Variants in PLIN3 observed in about 807,000 individuals in gnomAD.
The protein encoded by PLIN3 is perilipin-3.
In PLIN3, 30 loss-of-function variants were observed where a neutral mutation model predicts 35.9. The observed-to-expected ratio is 0.84, with a 90% CI of 0.62 to 1.13. The LOEUF is 1.13. Among genes scored for constraint, PLIN3 ranks in the 50% most tolerant of loss-of-function variants. The pLI, the probability that PLIN3 is intolerant of heterozygous loss-of-function variation, is 0.00. For missense variants in PLIN3, 603 were observed against 596.9 expected, an observed-to-expected ratio of 1.01 and a Z score of -0.11; for synonymous variants, 261 against 262.5, an observed-to-expected ratio of 0.99 and a Z score of 0.06.
Position 4,839,243 on chromosome 19 carries a change from C to CA in PLIN3, c.1253dup (p.Pro420ThrfsTer8). On this transcript the variant is annotated frameshift_variant, in exon 8 of 8. Coordinates refer to ENST00000221957, the MANE Select transcript of PLIN3 (RefSeq NM_005817.5). LOFTEE classifies it high-confidence loss of function. ...CAGTGATTCCAGGGGCAAAGGGTCC[C>CA]ACGAGCCACGTGACAGGTGTGTTCT... 6.2e-7 allele frequency: 1 copy of CA among 1,611,512 alleles called. No homozygotes were observed. Among genetic ancestry groups the CA allele is most frequent in the Non-Finnish European group, 8.5e-7 (1 of 1,177,990 alleles).
chr19:4,857,563 T>C (rs1285679084), intron 4 of PLIN3, among the ~76,000 whole-genome samples: 3 of 151,930 alleles, frequency 2.0e-5, no homozygotes, highest in Admixed American at 1.3e-4. Context: ...AGTGAGAACC[T>C]GTCTCAAAAA....
chr19:4,841,985 A>C (rs2029907731), intron 7 of PLIN3, among the ~76,000 whole-genome samples: 1 of 151,840 alleles, frequency 6.6e-6, no homozygotes, highest in African/African-American at 2.4e-5. Context: ...AGCCTGGAAG[A>C]ACTTTCTAGG....
chr19:4,847,959 G>T, intron 5 of PLIN3, 69 bp from the exon 6 acceptor site: 1 of 1,072,848 alleles, frequency 9.3e-7, no homozygotes, highest in Non-Finnish European at 1.4e-6. Context: ...CATGCAGACA[G>T]TCCCAAGAAT....
chr19:4,863,445 C>T (rs542790848), intron 1 of PLIN3, among the ~76,000 whole-genome samples: 7 of 138,534 alleles, frequency 5.1e-5, no homozygotes, highest in African/African-American at 1.9e-4. Context: ...TGCAGTGAGC[C>T]GAGATCGCGC....
chr19:4,859,395 G>A (rs915260815), intron 4 of PLIN3, among the ~76,000 whole-genome samples, 195 bp downstream of exon 4: 2 of 152,100 alleles, frequency 1.3e-5, no homozygotes, highest in Non-Finnish European at 2.9e-5. Flanking sequence ...GGTTGCAGGC[G>A]CCTGTAATCT....
chr19:4,855,846 G>T (rs567956259), intron 4 of PLIN3, among the ~76,000 whole-genome samples: 1 of 151,402 alleles, frequency 6.6e-6, no homozygotes, highest in South Asian at 2.1e-4. Flanking sequence ...GATTGCCTAA[G>T]TCTAGGAGGT....
At chr19:4,859,560 G>T (rs756115501) in intron 4 of PLIN3, 30 bp downstream of exon 4, 2 of 1,600,780 alleles carry the variant, frequency 1.2e-6, no homozygotes, top group Non-Finnish European at 1.7e-6. Flanking sequence ...TCCCTGTCTC[G>T]ACAGAGCCCC....
At chr19:4,860,167 C>T (rs182324667) in intron 2 of PLIN3, 143 bp from the exon 3 acceptor site, 30 of 686,726 alleles carry the variant, frequency 4.4e-5, no homozygotes. Context: ...CAGGCAGTTG[C>T]ACAAGCCAGG....
At chr19:4,866,956 C>G (rs1217546809) in intron 1 of PLIN3, 2 of 152,466 alleles carry the variant, frequency 1.3e-5, no homozygotes, top group Non-Finnish European at 2.9e-5. Context: ...TAAGACTGGA[C>G]TTCCAAAATT....
rs1202384686 is a variant in PLIN3, at chr19:4,843,280, G to A, written c.960+1388C>T. The stretch of plus-strand genomic sequence containing the variant: ...CCAGCACTTTGGGAGGCCGAGGCGG[G>A]CGGATCACAAGGTCAGCAGATCAAG... On this transcript the variant is annotated intron_variant, in intron 7 of 7. Transcript: ENST00000221957. 2.0e-5 allele frequency among the ~76,000 whole-genome samples: 3 copies of A among 152,002 alleles called. No homozygotes were observed. The South Asian group carries it at 6.2e-4, about 31-fold the overall frequency.
chr19:4,846,678 A>C (rs2030108609), intron 6 of PLIN3, among the ~76,000 whole-genome samples: 1 of 151,992 alleles, frequency 6.6e-6, no homozygotes, highest in African/African-American at 2.4e-5. Flanking sequence ...CCGCCTGGGC[A>C]ACAGAGCGAG....
In PLIN3 at chr19:4,852,310, T is replaced by A; in HGVS notation, c.349-9A>T. The A allele has an allele frequency of 6.3e-7, 1 of 1,597,946 alleles. No homozygotes were observed. The highest frequency in any genetic ancestry group is 1.7e-5 in the Admixed American group (1 of 59,902). ...TTGGTGTCCGCCAGGACCTAGGAGA[T>A]GCAACAGCATCAGCATCTCTGCCTT... On this transcript the variant is annotated splice_polypyrimidine_tract_variant and intron_variant, in intron 4 of 7. Transcript: ENST00000221957.
At position 4,847,791 on chromosome 19, in the gene PLIN3, C is replaced by G. The variant is rs2030154489; in HGVS notation, c.734G>C (p.Arg245Thr). 4 of 1,613,672 alleles carry G rather than the reference C, an allele frequency of 2.5e-6. No homozygotes were observed. The highest frequency in any genetic ancestry group is 3.4e-6 in the Non-Finnish European group (4 of 1,179,942). The change falls in exon 6 of 8, where the codon AGG becomes ACG. Residue 245 changes from arginine (R) to threonine (T), a missense_variant. Arg to Thr is a moderately conservative substitution (Grantham distance 71). Transcript: ENST00000221957. ...YFVRLGSLSE[R>T]LRQHAYEHSL... ...GTGCTCATAGGCGTGCTGCCGCAGCCTCTCCGACAGGGAGCCCAGACGTAC... is the reference window on the plus strand; with the variant it reads ...GTGCTCATAGGCGTGCTGCCGCAGCGTCTCCGACAGGGAGCCCAGACGTAC...
intron 7 of PLIN3, among the ~76,000 whole-genome samples, chr19:4,840,189 A>C (rs2029874933): frequency 6.6e-6 from 1 of 151,906 alleles, no homozygotes; most frequent in Non-Finnish European, 1.5e-5. Flanking sequence ...GCTGGTCTTG[A>C]ACTCTACCTC....
Position 4,862,133 on chromosome 19 carries a change from C to CTTT in PLIN3, c.-17-725_-17-723dup, listed in dbSNP as rs34562088. The stretch of plus-strand genomic sequence containing the variant: ...TTTTCTTTTTGGGTAGAGATGTTAT[C>CTTT]TTTTTTTTTTTTTTTTGAGACAGAG... On this transcript the variant is annotated intron_variant, in intron 1 of 7. Coordinates refer to ENST00000221957, the MANE Select transcript of PLIN3 (RefSeq NM_005817.5). 6.1e-5 allele frequency among the ~76,000 whole-genome samples: 8 copies of CTTT among 131,012 alleles called. 1 individual carries two copies. Among genetic ancestry groups the CTTT allele is most frequent in the Non-Finnish European group, 6.4e-5 (4 of 62,792 alleles). 85.9% of individuals were successfully genotyped at this position (131,012 alleles called of 152,430 possible).
Position 4,852,133 on chromosome 19 carries a change from C to A in PLIN3, c.517G>T (p.Val173Phe), listed in dbSNP as rs541039172. The A allele has an allele frequency of 1.2e-6, 2 of 1,614,036 alleles. No individual in the cohort carries two copies. The highest frequency in any genetic ancestry group is 2.2e-5 in the East Asian group (1 of 44,882). ...DKTKSVVTGG[V>F]QSVMGSRLGQ... is the part of the protein sequence containing the mutation. ...AAGCGGGAGCCCATGACCGATTGGA[C>A]GCCGCCGGTCACTACGGACTTTGTC... The change falls in exon 5 of 8, where the codon GTC (valine) becomes TTC (phenylalanine). Residue 173 changes from valine (V) to phenylalanine (F), a missense_variant. Coordinates refer to ENST00000221957, the MANE Select transcript of PLIN3 (RefSeq NM_005817.5).
chr19:4,852,301 C>T lies in PLIN3; in HGVS notation c.349G>A (p.Val117Ile), dbSNP rs2030326514. The T allele has an allele frequency of 6.3e-7, 1 of 1,599,554 alleles. No individual in the cohort carries two copies. Among genetic ancestry groups the T allele is most frequent in the Non-Finnish European group, 8.5e-7 (1 of 1,178,464 alleles). Reference sequence around the variant, plus strand: ...ACAAGCTCCTTGGTGTCCGCCAGGACCTAGGAGATGCAACAGCATCAGCAT... The same window carrying T: ...ACAAGCTCCTTGGTGTCCGCCAGGATCTAGGAGATGCAACAGCATCAGCAT... Reference protein sequence around the residue: ...LPILQQPTEKVLADTKELVSS... With the variant: ...LPILQQPTEKILADTKELVSS... Residue 117 changes from valine to isoleucine, a missense_variant and splice_region_variant, in exon 5 of 8, where the codon GTC becomes ATC. By Grantham distance (29) the Val-to-Ile change is conservative. Transcript: ENST00000221957.
At chr19:4,840,265 CTCTTT>C (rs922370546) in intron 7 of PLIN3, among the ~76,000 whole-genome samples, 106 of 152,128 alleles carry the variant, frequency 7.0e-4, no homozygotes, top group African/African-American at 2.5e-3. Context: ...CGCGCCCAGA[CTCTTT>C]TCTTTTAATT....
At chr19:4,847,930 C>A (rs1324583533) in intron 5 of PLIN3, 40 bp from the exon 6 acceptor site, 1 of 1,468,052 alleles carries the variant, frequency 6.8e-7, no homozygotes, top group Non-Finnish European at 9.5e-7. Context: ...AAGACCAGAA[C>A]ACACAGCTGG....
Sources: gnomAD v4.1 joint callset for allele counts (sites outside exome capture counted in the v4.1 genomes callset) on GRCh38, gnomAD v4.1.1 for gene constraint, MANE v1.5 for transcripts, NCBI Gene and HGNC (gene_info 2026-07-23, HGNC 2026-07-21) for gene names.